MARCHF10: variants seen among roughly 807,000 people sequenced by gnomAD.
MARCHF10 encodes the protein probable E3 ubiquitin-protein ligase MARCHF10.
Under a neutral mutation model 76.2 loss-of-function variants are expected in MARCHF10, and 64 were observed. That is an observed-to-expected ratio of 0.84 (90% CI 0.69 to 1.03). The LOEUF (loss-of-function observed/expected upper bound fraction) is 1.03, where lower values mean the gene tolerates loss of function less well. Among genes scored for constraint, MARCHF10 ranks in the 50% least tolerant of loss-of-function variants. The pLI is 0.00. For missense variants in MARCHF10, 875 were observed against 958.0 expected, an observed-to-expected ratio of 0.91 and a Z score of 1.14; for synonymous variants, 340 against 357.5, an observed-to-expected ratio of 0.95 and a Z score of 0.55.
At chr17:62,726,270 T>G (rs1457427981) in intron 6 of MARCHF10, 1 of 152,232 alleles carries the variant, frequency 6.6e-6, no homozygotes. Flanking sequence ...CTCACGGGAC[T>G]GGGGGCCATC....
rs770982549 is a variant in MARCHF10 at position 62,737,340 on chromosome 17, G to A, written c.536-8C>T. The A allele has an allele frequency of 4.4e-6, 7 of 1,599,720 alleles. No individual in the cohort carries two copies. The African/African-American group carries it at 9.5e-5, about 22-fold the overall frequency. ...CTTGTTGAACTACTTGATCTGCATT[G>A]AGAAAAGACACATTTATCGTTCCAG... On this transcript the variant is annotated splice_region_variant and splice_polypyrimidine_tract_variant and intron_variant, in intron 5 of 10. Transcript: ENST00000311269.
chr17:62,770,700 C>T (rs1214530009), intron 3 of MARCHF10, among the ~76,000 whole-genome samples: 1 of 151,956 alleles, frequency 6.6e-6, no homozygotes, highest in Non-Finnish European at 1.5e-5. Flanking sequence ...ACCACCACAC[C>T]CAGCTAATTT....
rs1175614210 is a variant in MARCHF10 at position 62,711,473 on chromosome 17, T to G, written c.2215-129A>C. On this transcript the variant is annotated intron_variant, in intron 8 of 10. Coordinates refer to ENST00000311269, the MANE Select transcript of MARCHF10 (RefSeq NM_152598.4). This position sits in a 1 kb window ranked among gnomAD's most constrained non-coding sequence, Gnocchi z 4.4. ...AGAGCCCAAGCTCCAAGGCAAGGCC[T>G]GCTCTTGGGGACCAGAAGACAGAGC... 2 of 802,690 alleles carry G rather than the reference T, an allele frequency of 2.5e-6. No individual in the cohort carries two copies. The highest frequency in any genetic ancestry group is 3.4e-5 in the African/African-American group (2 of 58,388). 49.7% of individuals were successfully genotyped at this position (802,690 alleles called of 1,614,324 possible).
chr17:62,709,400 G>A (rs72656948), intron 9 of MARCHF10, among the ~76,000 whole-genome samples: 167 of 152,234 alleles, frequency 1.1e-3, no homozygotes, highest in Non-Finnish European at 2.0e-3. Flanking sequence ...ACTGGAACCC[G>A]GGAGGCAGAG....
intron 4 of MARCHF10, among the ~76,000 whole-genome samples, chr17:62,759,097 T>G (rs562762586): frequency 6.6e-6 from 1 of 152,366 alleles, no homozygotes; most frequent in Admixed American, 6.5e-5. Flanking sequence ...ACCTTTTCTC[T>G]CAGAGAGGAC....
chr17:62,786,230 C>T (rs969026913), intron 3 of MARCHF10, among the ~76,000 whole-genome samples: 1 of 152,064 alleles, frequency 6.6e-6, no homozygotes, highest in Non-Finnish European at 1.5e-5. Flanking sequence ...ATGTCCTTTG[C>T]AGGGACATGG....
chr17:62,782,629 G>A (rs2092679626), intron 3 of MARCHF10, among the ~76,000 whole-genome samples: 1 of 152,044 alleles, frequency 6.6e-6, no homozygotes, highest in Non-Finnish European at 1.5e-5. Context: ...ACAGGTGTGA[G>A]CTACCGCGCC....
chr17:62,750,976 C>A (rs1434167491), intron 4 of MARCHF10, among the ~76,000 whole-genome samples: 1 of 152,158 alleles, frequency 6.6e-6, no homozygotes, highest in Non-Finnish European at 1.5e-5. Flanking sequence ...TGTAGTCATG[C>A]CCTGATCTGG....
At position 62,773,191 on chromosome 17, in the gene MARCHF10, A is replaced by C. The variant is rs1172483525; in HGVS notation, c.211-13185T>G. Among the ~76,000 whole-genome samples the C allele has an allele frequency of 2.0e-5, 3 of 152,160 alleles. No homozygotes were observed. In the East Asian group the frequency reaches 5.8e-4, roughly 29 times the overall value. ...GGACGATGAGAAGTGGAGAATGAGA[A>C]ACCGCCCCTGGAGACAATGGGAAAC... On this transcript the variant is annotated intron_variant, in intron 3 of 10. Coordinates refer to ENST00000311269, the MANE Select transcript of MARCHF10 (RefSeq NM_152598.4).
In MARCHF10 at chr17:62,737,113, G is replaced by A. The variant is rs900772304; in HGVS notation, c.755C>T (p.Ser252Leu). ...AGTGGTGGGTGTGAGTGGTGGCCCC[G>A]AGAACTCACTCAATACTTGAGGACT... ...KNSPQVLSEF[S>L]GPPLTPTTVG... Residue 252 changes from serine (S) to leucine (L), a missense_variant, in exon 6 of 11, where the codon TCG becomes TTG. Coordinates refer to ENST00000311269, the MANE Select transcript of MARCHF10 (RefSeq NM_152598.4). 1 of 1,614,078 alleles carries A rather than the reference G, an allele frequency of 6.2e-7. No homozygotes were observed. The highest frequency in any genetic ancestry group is 1.7e-5 in the Admixed American group (1 of 60,004).
chr17:62,755,815 TA>T lies in MARCHF10; in HGVS notation c.382+4019del, dbSNP rs559741367. 6.1e-3 allele frequency among the ~76,000 whole-genome samples: 934 copies of T among 152,344 alleles called. 3 individuals carry two copies. Among genetic ancestry groups the T allele is most frequent in the Non-Finnish European group, 9.7e-3 (657 of 68,034 alleles). On this transcript the variant is annotated intron_variant, in intron 4 of 10. Coordinates refer to ENST00000311269, the MANE Select transcript of MARCHF10 (RefSeq NM_152598.4). The stretch of plus-strand genomic sequence containing the variant: ...GTACCTGCATTTATGTTAGAGATTC[TA>T]AAAAATACAACTCTGAGCTGGGTGC...
At chr17:62,791,295 G>A (rs1430486344) in intron 2 of MARCHF10, among the ~76,000 whole-genome samples, 3 of 152,184 alleles carry the variant, frequency 2.0e-5, no homozygotes, top group African/African-American at 2.4e-5. Flanking sequence ...TTTCCGAAAG[G>A]GGCAGATGTC....
intron 2 of MARCHF10, 82 bp downstream of exon 2, chr17:62,801,564 A>G (rs2093073705): frequency 8.0e-7 from 1 of 1,242,444 alleles, no homozygotes; most frequent in Non-Finnish European, 1.2e-6. Context: ...TTTACTGCTT[A>G]TCATACGTTG....
rs754150401 is a variant in MARCHF10 at position 62,774,330 on chromosome 17, T to C, written c.210+14150A>G. Among the ~76,000 whole-genome samples, 48 of 151,988 alleles carry C rather than the reference T, an allele frequency of 3.2e-4. 1 individual carries two copies. The highest frequency in any genetic ancestry group is 5.0e-4 in the Non-Finnish European group (34 of 67,996). ...GCCTGGAGGATGCTGGAGTCAAGGA[T>C]TGTGGTGGCAGATCAGGAGATGTGG... On this transcript the variant is annotated intron_variant, in intron 3 of 10. Transcript: ENST00000311269.
Position 62,711,867 on chromosome 17 carries a change from C to G in MARCHF10, c.2215-523G>C, listed in dbSNP as rs1568095783. On this transcript the variant is annotated intron_variant, in intron 8 of 10. Coordinates refer to ENST00000311269, the MANE Select transcript of MARCHF10 (RefSeq NM_152598.4). This position sits in a 1 kb window ranked among gnomAD's most constrained non-coding sequence, Gnocchi z 4.4. ...AGGAGCCTCCTTTGCCCCCATCATT[C>G]CTTTGCTTCCCAGTCCCTAAGCATT... Among the ~76,000 whole-genome samples, 1 of 152,188 alleles carries G rather than the reference C, an allele frequency of 6.6e-6. No individual in the cohort carries two copies. Among genetic ancestry groups the G allele is most frequent in the Non-Finnish European group, 1.5e-5 (1 of 68,020 alleles).
intron 4 of MARCHF10, among the ~76,000 whole-genome samples, chr17:62,748,499 G>A (rs1304986680): frequency 6.6e-6 from 1 of 152,214 alleles, no homozygotes; most frequent in African/African-American, 2.4e-5. Context: ...CACTTTGGGA[G>A]GCCGAGGCAG....
rs568876684 is a variant in MARCHF10 at position 62,711,879 on chromosome 17, A to G, written c.2215-535T>C. On this transcript the variant is annotated intron_variant, in intron 8 of 10. Transcript: ENST00000311269. The surrounding 1 kb of genome is among the most constrained non-coding windows in gnomAD (Gnocchi z 4.4). ...TGCCCCCATCATTCCTTTGCTTCCC[A>G]GTCCCTAAGCATTCGTCTTGATCTT... 1.2e-4 allele frequency among the ~76,000 whole-genome samples: 19 copies of G among 152,180 alleles called. No individual in the cohort carries two copies. Among genetic ancestry groups the G allele is most frequent in the Non-Finnish European group, 1.8e-4 (12 of 68,036 alleles).
intron 3 of MARCHF10, among the ~76,000 whole-genome samples, chr17:62,784,814 C>T (rs1161192576): frequency 3.3e-5 from 5 of 152,264 alleles, no homozygotes; most frequent in Admixed American, 6.5e-5. Context: ...ATCCAACTTA[C>T]AAGGGATGTG....
chr17:62,804,742 T>C (rs886299101), intron 1 of MARCHF10, among the ~76,000 whole-genome samples: 26 of 151,952 alleles, frequency 1.7e-4, no homozygotes, highest in Middle Eastern at 3.2e-3. Context: ...ATCTATGGGG[T>C]CATCAAAGCC....
Sources: gnomAD v4.1 joint callset for allele counts (sites outside exome capture counted in the v4.1 genomes callset) on GRCh38, gnomAD v4.1.1 for gene constraint, Gnocchi (gnomAD v3.1) non-coding constraint, MANE v1.5 for transcripts, NCBI Gene and HGNC (gene_info 2026-07-23, HGNC 2026-07-21) for gene names.